The following DCX variants were observed in gnomAD, a reference collection of about 807,000 sequenced individuals.
The protein encoded by DCX is doublecortin.
In DCX, 4 loss-of-function variants were observed where a neutral mutation model predicts 20.9. The observed-to-expected ratio is 0.19, with a 90% CI of 0.09 to 0.44. The LOEUF is 0.44. DCX is among the 20% of genes least tolerant of loss of function. The pLI is 0.99. For synonymous variants in DCX, 103 were observed against 111.4 expected, an observed-to-expected ratio of 0.92 and a Z score of 0.47; for missense variants, 133 against 296.9, an observed-to-expected ratio of 0.45 and a Z score of 4.06.
At chrX:111,334,578 T>C (rs959948961) in intron 3 of DCX, among the ~76,000 whole-genome samples, 1 of 112,437 alleles carries the variant, frequency 8.9e-6, no homozygotes, top group Non-Finnish European at 1.9e-5. Context: ...TTGTCATTAC[T>C]ATTTTAGGCT....
intron 3 of DCX, among the ~76,000 whole-genome samples, chrX:111,374,738 G>T (rs1263600151): frequency 1.8e-5 from 2 of 110,111 alleles, no homozygotes; most frequent in Non-Finnish European, 3.8e-5. Context: ...CATGGATTCA[G>T]TTCCCACAGG....
chrX:111,368,435 G>A (rs746919316), intron 3 of DCX, among the ~76,000 whole-genome samples: 3 of 111,624 alleles, frequency 2.7e-5, no homozygotes, highest in Admixed American at 9.6e-5. Flanking sequence ...CTTCCAGAAC[G>A]CGGGGGTAGT....
At chrX:111,369,202 G>T (rs1012479832) in intron 3 of DCX, among the ~76,000 whole-genome samples, 3 of 110,646 alleles carry the variant, frequency 2.7e-5, no homozygotes, top group Non-Finnish European at 5.7e-5. Context: ...GAGTGAGTCT[G>T]CCTTTCCTAG....
At chrX:111,340,882 G>T (rs772161578) in intron 3 of DCX, among the ~76,000 whole-genome samples, 1 of 111,214 alleles carries the variant, frequency 9.0e-6, no homozygotes, top group South Asian at 3.9e-4. Flanking sequence ...CCATGTAAAG[G>T]TCAGCAGCCT....
chrX:111,380,996 GA>G lies in DCX; in HGVS notation c.705+19993del, dbSNP rs201911303. Among the ~76,000 whole-genome samples the G allele has an allele frequency of 3.5e-4, 39 of 110,591 alleles. 2 individuals are homozygous for G. The East Asian group carries it at 0.011, about 32-fold the overall frequency. On this transcript the variant is annotated intron_variant, in intron 3 of 6. Transcript: ENST00000636035. ...AGAGGTTAAGTGACTGGCATGGGTT[GA>G]ACAGCAACTTAATGATAGAGCTATG...
chrX:111,357,173 A>G (rs1394188065), intron 3 of DCX, among the ~76,000 whole-genome samples: 1 of 112,123 alleles, frequency 8.9e-6, no homozygotes, highest in African/African-American at 3.2e-5. Context: ...AGATGGGTAC[A>G]GTGGTTAATA....
At chrX:111,320,332 T>C (rs978408047) in intron 5 of DCX, among the ~76,000 whole-genome samples, 71 of 112,277 alleles carry the variant, frequency 6.3e-4, no homozygotes, top group African/African-American at 2.1e-3. Context: ...CACATAAATG[T>C]CAAGTAAAAG....
At chrX:111,308,542 C>CT (rs2095050528) in intron 6 of DCX, among the ~76,000 whole-genome samples, 1 of 110,783 alleles carries the variant, frequency 9.0e-6, no homozygotes, top group Non-Finnish European at 1.9e-5. Context: ...TCATGCAGTC[C>CT]TTTCGTTAGC....
intron 3 of DCX, among the ~76,000 whole-genome samples, chrX:111,340,464 G>T (rs1018741694): frequency 3.6e-5 from 4 of 112,051 alleles, no homozygotes; most frequent in Non-Finnish European, 5.6e-5. Flanking sequence ...TGAGGAATCA[G>T]GGCAGCCCAG....
Position 111,321,659 on chromosome X carries a change from G to A in DCX, c.947-8923C>T, listed in dbSNP as rs184841834. ...TGGTGCGAGTGGCCAAGGACAGAGT[G>A]GGGTCACTAGCCAGGCAGAGTGGAT... On this transcript the variant is annotated intron_variant, in intron 5 of 6. Coordinates refer to ENST00000636035, the MANE Select transcript of DCX (RefSeq NM_001195553.2). Among the ~76,000 whole-genome samples, 356 of 111,286 alleles carry A rather than the reference G, an allele frequency of 3.2e-3. 1 individual carries two copies. The highest frequency in any genetic ancestry group is 0.01 in the African/African-American group (311 of 30,582).
chrX:111,408,377 C>T (rs949083697), intron 2 of DCX, among the ~76,000 whole-genome samples: 1 of 110,797 alleles, frequency 9.0e-6, no homozygotes, highest in African/African-American at 3.3e-5. Flanking sequence ...AATCCCAACA[C>T]TTTGGGAGGC....
intron 5 of DCX, among the ~76,000 whole-genome samples, chrX:111,328,533 G>T (rs2095104975): frequency 9.0e-6 from 1 of 111,603 alleles, no homozygotes; most frequent in Admixed American, 9.5e-5. Flanking sequence ...GATACCACCT[G>T]AGAATTTCTA....
intron 3 of DCX, among the ~76,000 whole-genome samples, chrX:111,377,572 G>T (rs1925636747): frequency 9.0e-6 from 1 of 111,368 alleles, no homozygotes; most frequent in African/African-American, 3.3e-5. Flanking sequence ...GACTGCTTGG[G>T]TTCAGCTTTC....
intron 5 of DCX, among the ~76,000 whole-genome samples, chrX:111,321,640 G>T (rs973524626): frequency 2.7e-5 from 3 of 111,270 alleles, no homozygotes; most frequent in Non-Finnish European, 5.7e-5. Context: ...TTTTTGGTGC[G>T]AGTGGCCAAG....
chrX:111,307,147 T>C lies in DCX; in HGVS notation c.1045-5404A>G, dbSNP rs574976901. Among the ~76,000 whole-genome samples the C allele has an allele frequency of 2.7e-5, 3 of 110,720 alleles. No individual in the cohort carries two copies. In the South Asian group the frequency reaches 1.1e-3, roughly 42 times the overall value. On this transcript the variant is annotated intron_variant, in intron 6 of 6. Transcript: ENST00000636035. The stretch of plus-strand genomic sequence containing the variant: ...TAAAAGGAGTGAATTCTATACTATG[T>C]GAATTATATCTCAATAAGCTGTTAT...
intron 3 of DCX, among the ~76,000 whole-genome samples, chrX:111,341,267 G>A (rs570755037): frequency 1.8e-5 from 2 of 108,970 alleles, no homozygotes; most frequent in South Asian, 4.1e-4. Flanking sequence ...GCAGAAGAAA[G>A]GATATCAGAG....
intron 3 of DCX, among the ~76,000 whole-genome samples, chrX:111,342,209 A>G (rs1263047555): frequency 2.0e-5 from 2 of 101,564 alleles, no homozygotes; most frequent in Non-Finnish European, 4.0e-5. Flanking sequence ...AGCAAAAAAA[A>G]AAAAAAAAAA....
intron 6 of DCX, among the ~76,000 whole-genome samples, chrX:111,308,280 A>G (rs941381554): frequency 1.8e-5 from 2 of 112,157 alleles, no homozygotes; most frequent in African/African-American, 6.5e-5. Context: ...GAAAACAAAA[A>G]GTTGGTCTCT....
At chrX:111,405,342 C>T (rs1928124913) in intron 2 of DCX, among the ~76,000 whole-genome samples, 1 of 111,772 alleles carries the variant, frequency 8.9e-6, no homozygotes, top group Non-Finnish European at 1.9e-5. Context: ...GCAATGCATC[C>T]CTCCCAGGTA....
Sources: allele counts gnomAD v4.1 joint callset (sites outside exome capture counted in the v4.1 genomes callset), GRCh38; gene constraint gnomAD v4.1.1; transcripts MANE v1.5; gene names NCBI Gene and HGNC (gene_info 2026-07-23, HGNC 2026-07-21).